The following CACNG3 variants were observed in gnomAD, a reference collection of about 807,000 sequenced individuals.
CACNG3 encodes the protein calcium voltage-gated channel auxiliary subunit gamma 3, also known as voltage-dependent calcium channel gamma-3 subunit.
CACNG3 carries 3 observed loss-of-function variants against 28.5 expected under a neutral mutation model. That is an observed-to-expected ratio of 0.11 (90% CI 0.05 to 0.27). The LOEUF is 0.27. CACNG3 is among the 10% of genes least tolerant of loss of function. CACNG3 has a pLI of 1.00. For synonymous variants in CACNG3, 174 were observed against 162.2 expected (o/e 1.07, Z -0.55); for missense variants, 236 against 414.4 (o/e 0.57, Z 3.74).
At position 24,287,563 on chromosome 16, in the gene CACNG3, T is replaced by C. The variant is rs1278499462; in HGVS notation, c.211+30598T>C. 2.8e-5 allele frequency among the ~76,000 whole-genome samples: 4 copies of C among 144,622 alleles called. No homozygotes were observed. The East Asian group carries it at 8.1e-4, about 29-fold the overall frequency. 94.9% of individuals were successfully genotyped at this position (144,622 alleles called of 152,430 possible). On this transcript the variant is annotated intron_variant, in intron 1 of 3. Transcript: ENST00000005284. Reference sequence around the variant, plus strand: ...AGAAAAAGAAAAAAAAAATGTAGACTCTGGAGTCAGAATGACCTGGGTAGG... The same window carrying C: ...AGAAAAAGAAAAAAAAAATGTAGACCCTGGAGTCAGAATGACCTGGGTAGG...
chr16:24,329,582 G>C (rs886163666), intron 1 of CACNG3, among the ~76,000 whole-genome samples: 2 of 152,148 alleles, frequency 1.3e-5, no homozygotes, highest in African/African-American at 2.4e-5. Context: ...CTCAGGAGTT[G>C]AGACGTCACT....
intron 1 of CACNG3, among the ~76,000 whole-genome samples, chr16:24,312,762 G>A (rs1899280650): frequency 6.6e-6 from 1 of 151,708 alleles, no homozygotes; most frequent in East Asian, 1.9e-4. Context: ...AGGCTGCAGT[G>A]AGCTATGATC....
At position 24,316,967 on chromosome 16, in the gene CACNG3, C is replaced by T. The variant is rs78260896; in HGVS notation, c.212-29767C>T. Among the ~76,000 whole-genome samples, 295 of 152,236 alleles carry T rather than the reference C, an allele frequency of 1.9e-3. 1 individual carries two copies. Among genetic ancestry groups the T allele is most frequent in the Non-Finnish European group, 2.8e-3 (192 of 68,020 alleles). On this transcript the variant is annotated intron_variant, in intron 1 of 3. Coordinates refer to ENST00000005284, the MANE Select transcript of CACNG3 (RefSeq NM_006539.4). Reference sequence around the variant, plus strand: ...GTGAAATATGGATTAGAATGCACAGCGAATCACATAGCAGGGAGAAAATCT... The same window carrying T: ...GTGAAATATGGATTAGAATGCACAGTGAATCACATAGCAGGGAGAAAATCT...
chr16:24,359,489 G>A (rs1900077974), intron 3 of CACNG3, among the ~76,000 whole-genome samples: 1 of 152,094 alleles, frequency 6.6e-6, no homozygotes, highest in African/African-American at 2.4e-5. Flanking sequence ...ACAGCCAAGA[G>A]GAGGCAGGAG....
intron 1 of CACNG3, among the ~76,000 whole-genome samples, chr16:24,283,004 G>C (rs1263618568): frequency 2.0e-5 from 3 of 152,058 alleles, no homozygotes; most frequent in Non-Finnish European, 4.4e-5. Flanking sequence ...AAGTAGCTGG[G>C]ACTACAGGTG....
intron 2 of CACNG3, among the ~76,000 whole-genome samples, chr16:24,349,269 A>G (rs1267895069): frequency 1.3e-5 from 2 of 152,240 alleles, no homozygotes; most frequent in Non-Finnish European, 2.9e-5. Context: ...ATAAACCCAT[A>G]GCAGTGTTAC....
chr16:24,322,810 T>A (rs1899483055), intron 1 of CACNG3, among the ~76,000 whole-genome samples: 1 of 152,160 alleles, frequency 6.6e-6, no homozygotes, highest in Non-Finnish European at 1.5e-5. Flanking sequence ...ATCTACCTAT[T>A]TTGCTATCAA....
At chr16:24,290,639 A>T (rs370200466) in intron 1 of CACNG3, among the ~76,000 whole-genome samples, 2 of 152,154 alleles carry the variant, frequency 1.3e-5, no homozygotes, top group Admixed American at 6.5e-5. Flanking sequence ...GAGTCTCGCT[A>T]TGTTCCCCAG....
rs2141371747 is a variant in CACNG3 at position 24,326,290 on chromosome 16, G to A, written c.212-20444G>A. Among the ~76,000 whole-genome samples the A allele has an allele frequency of 2.0e-5, 3 of 151,264 alleles. No homozygotes were observed. The South Asian group carries it at 6.2e-4, about 31-fold the overall frequency. On this transcript the variant is annotated intron_variant, in intron 1 of 3. Coordinates refer to ENST00000005284, the MANE Select transcript of CACNG3 (RefSeq NM_006539.4). ...AGGTTCAAGCAATTTTCCTCCCTCA[G>A]CCTCCCGAGTAGCTGGGATTACAGG... is the stretch of plus-strand genomic sequence containing the variant.
Position 24,362,154 on chromosome 16 carries a change from C to T in CACNG3, c.*291C>T, listed in dbSNP as rs1900110734. On this transcript the variant is annotated 3_prime_UTR_variant, in exon 4 of 4. Transcript: ENST00000005284. ...GGAAGGACCTCCACATTCTTCCCTCCTTGGAAGAGGACTTTACTAAAAGTC... is the reference window on the plus strand; with the variant it reads ...GGAAGGACCTCCACATTCTTCCCTCTTTGGAAGAGGACTTTACTAAAAGTC... The T allele has an allele frequency of 3.4e-6, 1 of 290,262 alleles. No individual in the cohort carries two copies. The highest frequency in any genetic ancestry group is 6.4e-6 in the Non-Finnish European group (1 of 155,830). The allele number at this position is 290,262 out of a possible 1,614,324, so 18.0% of individuals were successfully genotyped here.
intron 1 of CACNG3, among the ~76,000 whole-genome samples, chr16:24,289,311 A>AG (rs1371840343): frequency 1.3e-5 from 2 of 152,098 alleles, no homozygotes; most frequent in Non-Finnish European, 2.9e-5. Flanking sequence ...AAAGAAAAAA[A>AG]AAAAAGAAAA....
At chr16:24,357,816 C>A (rs1900053366) in intron 3 of CACNG3, among the ~76,000 whole-genome samples, 1 of 152,192 alleles carries the variant, frequency 6.6e-6, no homozygotes, top group African/African-American at 2.4e-5. Context: ...GTGAGAGTTT[C>A]CTAAGAACAA....
At chr16:24,261,458 A>G (rs538127492) in intron 1 of CACNG3, among the ~76,000 whole-genome samples, 11 of 152,340 alleles carry the variant, frequency 7.2e-5, no homozygotes, top group Admixed American at 3.3e-4. Context: ...TGATTTTTAA[A>G]ATGCAGGCAA....
At chr16:24,290,678 G>A (rs976769574) in intron 1 of CACNG3, among the ~76,000 whole-genome samples, 1 of 152,274 alleles carries the variant, frequency 6.6e-6, no homozygotes, top group East Asian at 1.9e-4. Context: ...GGCTCAAGTG[G>A]TGTACCTACC....
chr16:24,285,397 A>G (rs1161321809), intron 1 of CACNG3, among the ~76,000 whole-genome samples: 2 of 151,972 alleles, frequency 1.3e-5, no homozygotes, highest in African/African-American at 4.8e-5. Context: ...AAGTAATAAT[A>G]CCCCCTACTC....
At chr16:24,349,109 C>T (rs748913631) in intron 2 of CACNG3, among the ~76,000 whole-genome samples, 2 of 152,246 alleles carry the variant, frequency 1.3e-5, no homozygotes, top group Non-Finnish European at 2.9e-5. Context: ...GCTGGGAGCA[C>T]ATTCCTGCAG....
chr16:24,287,514 CAAAAAAAAA>C (rs748719520), intron 1 of CACNG3, among the ~76,000 whole-genome samples: 1 of 31,296 alleles, frequency 3.2e-5, no homozygotes, highest in Non-Finnish European at 7.3e-5. Context: ...CGAGACTCTC[CAAAAAAAAA>C]AAAAAAAAAA....
intron 2 of CACNG3, among the ~76,000 whole-genome samples, chr16:24,352,443 C>T (rs1899961674): frequency 6.6e-6 from 1 of 152,158 alleles, no homozygotes; most frequent in African/African-American, 2.4e-5. Context: ...CACACTGAAT[C>T]TGCCAGCGTG....
At chr16:24,262,012 A>G (rs1898543520) in intron 1 of CACNG3, among the ~76,000 whole-genome samples, 1 of 152,220 alleles carries the variant, frequency 6.6e-6, no homozygotes, top group Admixed American at 6.5e-5. Flanking sequence ...GCTTTTGTAC[A>G]TGTTAACTCA....
Sources: allele counts gnomAD v4.1 joint callset (sites outside exome capture counted in the v4.1 genomes callset), GRCh38; gene constraint gnomAD v4.1.1; transcripts MANE v1.5; gene names NCBI Gene and HGNC (gene_info 2026-07-23, HGNC 2026-07-21).